BRIP1: variants seen among roughly 807,000 people sequenced by gnomAD.
The protein encoded by BRIP1 is BRCA1 interacting DNA helicase 1, also known as Fanconi anemia group J protein.
BRIP1 carries 88 observed loss-of-function variants against 119.7 expected under a neutral mutation model. That is an observed-to-expected ratio of 0.74 (90% CI 0.62 to 0.88). The LOEUF is 0.88. Ranked by LOEUF, BRIP1 falls within the 40% of genes least tolerant of loss-of-function variation. The pLI, the probability that BRIP1 is intolerant of heterozygous loss-of-function variation, is 0.00. For synonymous variants in BRIP1, 443 were observed against 496.5 expected (o/e 0.89, Z 1.43); for missense variants, 1,259 against 1,455.4 (o/e 0.87, Z 2.20).
chr17:61,681,196 T>C lies in BRIP1; in HGVS notation c.*2100A>G, dbSNP rs1240342926. 5.6e-6 allele frequency: 1 copy of C among 177,472 alleles called. No individual in the cohort carries two copies. The highest frequency in any genetic ancestry group is 1.1e-5 in the Non-Finnish European group (1 of 88,968). 11.0% of individuals were successfully genotyped at this position (177,472 alleles called of 1,614,324 possible). A position where few individuals can be genotyped will look rare whatever the true frequency, so the allele number is the denominator to read the frequency against. ...GGATTATGGGAACTACAATTCAAGA[T>C]GAGATCTGGCTGGGGACATAGCCAA... On this transcript the variant is annotated 3_prime_UTR_variant, in exon 20 of 20. Coordinates refer to ENST00000259008, the MANE Select transcript of BRIP1 (RefSeq NM_032043.3). This position sits in a 1 kb window ranked among gnomAD's most constrained non-coding sequence, Gnocchi z 5.1.
chr17:61,831,957 T>C lies in BRIP1; in HGVS notation c.627+15144A>G, dbSNP rs1319165335. 6.6e-6 allele frequency among the ~76,000 whole-genome samples: 1 copy of C among 152,172 alleles called. No individual in the cohort carries two copies. The highest frequency in any genetic ancestry group is 1.5e-5 in the Non-Finnish European group (1 of 68,024). ...GAAAAAATATAGACATAAATGTATATGTCTATGAGTCTGGGTTTGTGTACA... is the reference window on the plus strand; with the variant it reads ...GAAAAAATATAGACATAAATGTATACGTCTATGAGTCTGGGTTTGTGTACA... On this transcript the variant is annotated intron_variant, in intron 6 of 19. Coordinates refer to ENST00000259008, the MANE Select transcript of BRIP1 (RefSeq NM_032043.3). This position sits in a 1 kb window ranked among gnomAD's most constrained non-coding sequence, Gnocchi z 4.1.
chr17:61,856,956 A>G lies in BRIP1; in HGVS notation c.379+102T>C. On this transcript the variant is annotated intron_variant, in intron 4 of 19. Coordinates refer to ENST00000259008, the MANE Select transcript of BRIP1 (RefSeq NM_032043.3). The surrounding 1 kb of genome is among the most constrained non-coding windows in gnomAD (Gnocchi z 5.1). ...CCAGAGAAACTAGATAGAGATATAT[A>G]ATCAGTTATGCTAACCAAACTTATA... 8.8e-7 allele frequency: 1 copy of G among 1,134,832 alleles called. No homozygotes were observed. Among genetic ancestry groups the G allele is most frequent in the South Asian group, 1.3e-5 (1 of 79,844 alleles). 70.3% of individuals were successfully genotyped at this position (1,134,832 alleles called of 1,614,324 possible).
rs756511744 is a variant in BRIP1, at chr17:61,776,540, G to A, written c.1958C>T (p.Ser653Leu). Reference sequence around the variant, plus strand: ...ACAGAGATTCCGACCCTTGGGGCCTGACCCAATGGTACCAACCCAAACCTA... The same window carrying A: ...ACAGAGATTCCGACCCTTGGGGCCTAACCCAATGGTACCAACCCAAACCTA... ...NSQVWVGTIG[S>L]GPKGRNLCAT... Residue 653 changes from serine (S) to leucine (L), a missense_variant, in exon 14 of 20, where the codon TCA becomes TTA. Transcript: ENST00000259008. The surrounding 1 kb of genome is among the most constrained non-coding windows in gnomAD (Gnocchi z 5.0). 1.2e-6 allele frequency: 2 copies of A among 1,614,108 alleles called. No homozygotes were observed. The highest frequency in any genetic ancestry group is 1.7e-5 in the Admixed American group (1 of 60,026).
At chr17:61,779,084 A>G (rs2077576144) in intron 13 of BRIP1, among the ~76,000 whole-genome samples, 1 of 152,252 alleles carries the variant, frequency 6.6e-6, no homozygotes, top group Admixed American at 6.5e-5. Flanking sequence ...AAAAATTAAA[A>G]TAACATTTAG....
At chr17:61,764,758 G>A (rs193148076) in intron 14 of BRIP1, among the ~76,000 whole-genome samples, 1 of 151,884 alleles carries the variant, frequency 6.6e-6, no homozygotes, top group African/African-American at 2.4e-5. Flanking sequence ...TCCCAAAAGT[G>A]CTTCCTATAT....
intron 18 of BRIP1, among the ~76,000 whole-genome samples, chr17:61,688,678 G>A (rs1006701582): frequency 1.3e-5 from 2 of 149,858 alleles, no homozygotes; most frequent in Admixed American, 1.3e-4. Context: ...TACCATACAA[G>A]GTTACAAGAA....
chr17:61,732,016 C>G (rs2076854561), intron 16 of BRIP1, among the ~76,000 whole-genome samples: 1 of 106,888 alleles, frequency 9.4e-6, no homozygotes, highest in Non-Finnish European at 1.7e-5. Flanking sequence ...GACAGAGTCT[C>G]TGTCACCCAG....
In BRIP1 at chr17:61,794,068, T is replaced by C. The variant is rs1423583260; in HGVS notation, c.1341-339A>G. On this transcript the variant is annotated intron_variant, in intron 9 of 19. Transcript: ENST00000259008. The surrounding 1 kb of genome is among the most constrained non-coding windows in gnomAD (Gnocchi z 4.3). ...TATCCCAAATATATATAAAAGGAAATGCAAAACAACCTAATAAAGAAATTA... is the reference window on the plus strand; with the variant it reads ...TATCCCAAATATATATAAAAGGAAACGCAAAACAACCTAATAAAGAAATTA... 1.3e-5 allele frequency among the ~76,000 whole-genome samples: 2 copies of C among 152,026 alleles called. No homozygotes were observed. Among genetic ancestry groups the C allele is most frequent in the Non-Finnish European group, 1.5e-5 (1 of 67,972 alleles).
chr17:61,686,155 T>C lies in BRIP1; in HGVS notation c.2586A>G (p.Lys862=), dbSNP rs745318756. The change falls in exon 19 of 20, where the codon AAA becomes AAG. Residue 862 remains lysine (K), a synonymous_variant. Transcript: ENST00000259008. The surrounding 1 kb of genome is among the most constrained non-coding windows in gnomAD (Gnocchi z 5.4). The part of the protein sequence containing the change: ...NPSRYISGLS[K]WVRQQIQHHS... ...GGTGCTGAATCTGCTGCCGTACCCA[T>C]TTAGAAAGTCCTAAAGAAAAAGGTA... 3.1e-6 allele frequency: 5 copies of C among 1,614,056 alleles called. No homozygotes were observed. The highest frequency in any genetic ancestry group is 4.2e-6 in the Non-Finnish European group (5 of 1,179,940).
Position 61,739,948 on chromosome 17 carries a change from A to C in BRIP1, c.2379+3065T>G, listed in dbSNP as rs1241832834. Reference sequence around the variant, plus strand: ...ATACAACTGTTTCTGGCCAAGATTGAGTAACTGGTTTAAGAATATTTCTTC... The same window carrying C: ...ATACAACTGTTTCTGGCCAAGATTGCGTAACTGGTTTAAGAATATTTCTTC... On this transcript the variant is annotated intron_variant, in intron 16 of 19. Coordinates refer to ENST00000259008, the MANE Select transcript of BRIP1 (RefSeq NM_032043.3). The surrounding 1 kb of genome is among the most constrained non-coding windows in gnomAD (Gnocchi z 6.0). Among the ~76,000 whole-genome samples the C allele has an allele frequency of 6.6e-6, 1 of 152,206 alleles. No individual in the cohort carries two copies. Among genetic ancestry groups the C allele is most frequent in the Non-Finnish European group, 1.5e-5 (1 of 68,028 alleles).
In BRIP1 at chr17:61,799,646, A is replaced by G. The variant is rs2077959637; in HGVS notation, c.1141-347T>C. 6.6e-6 allele frequency among the ~76,000 whole-genome samples: 1 copy of G among 152,186 alleles called. No individual in the cohort carries two copies. The highest frequency in any genetic ancestry group is 2.4e-5 in the African/African-American group (1 of 41,438). Reference sequence around the variant, plus strand: ...TCCAACATAATTTTACAAACTAATTATAAGACCTTTAAAAATAAAATAACA... The same window carrying G: ...TCCAACATAATTTTACAAACTAATTGTAAGACCTTTAAAAATAAAATAACA... On this transcript the variant is annotated intron_variant, in intron 8 of 19. Transcript: ENST00000259008. The surrounding 1 kb of genome is among the most constrained non-coding windows in gnomAD (Gnocchi z 5.1).
intron 3 of BRIP1, 109 bp downstream of exon 3, chr17:61,859,687 A>G (rs1384710826): frequency 1.3e-6 from 1 of 746,610 alleles, no homozygotes; most frequent in East Asian, 2.7e-5. Flanking sequence ...ATCTTTAAAC[A>G]AATATTTAAG....
rs1212182449 is a variant in BRIP1 at position 61,679,596 on chromosome 17, C to G, written c.*3700G>C. Among the ~76,000 whole-genome samples the G allele has an allele frequency of 6.6e-6, 1 of 152,090 alleles. No homozygotes were observed. The highest frequency in any genetic ancestry group is 2.4e-5 in the African/African-American group (1 of 41,422). On this transcript the variant is annotated 3_prime_UTR_variant, in exon 20 of 20. Transcript: ENST00000259008. The surrounding 1 kb of genome is among the most constrained non-coding windows in gnomAD (Gnocchi z 4.4). ...CTCAAAAGCTTAAAAAATAAGCCAGCCAAATAATTTTTCTTTCCTCAAATC... is the reference window on the plus strand; with the variant it reads ...CTCAAAAGCTTAAAAAATAAGCCAGGCAAATAATTTTTCTTTCCTCAAATC...
At chr17:61,800,640 C>T (rs2077975610) in intron 8 of BRIP1, among the ~76,000 whole-genome samples, 1 of 151,984 alleles carries the variant, frequency 6.6e-6, no homozygotes, top group African/African-American at 2.4e-5. Flanking sequence ...TTGATATGCA[C>T]AGTGTCTCAG....
rs1354746640 is a variant in BRIP1 at position 61,822,357 on chromosome 17, T to C, written c.628-13600A>G. Among the ~76,000 whole-genome samples, 3 of 152,300 alleles carry C rather than the reference T, an allele frequency of 2.0e-5. No individual in the cohort carries two copies. The East Asian group carries it at 5.8e-4, about 29-fold the overall frequency. On this transcript the variant is annotated intron_variant, in intron 6 of 19. Coordinates refer to ENST00000259008, the MANE Select transcript of BRIP1 (RefSeq NM_032043.3). This position sits in a 1 kb window ranked among gnomAD's most constrained non-coding sequence, Gnocchi z 4.4. Reference sequence around the variant, plus strand: ...AAAACAATATACAGGGTAGAGATACTACCAAAAGGAGAAGTAACTAGTTTT... The same window carrying C: ...AAAACAATATACAGGGTAGAGATACCACCAAAAGGAGAAGTAACTAGTTTT...
chr17:61,706,907 A>C lies in BRIP1; in HGVS notation c.2492+9044T>G, dbSNP rs2061697533. Among the ~76,000 whole-genome samples the C allele has an allele frequency of 6.6e-6, 1 of 152,192 alleles. No individual in the cohort carries two copies. The highest frequency in any genetic ancestry group is 1.5e-5 in the Non-Finnish European group (1 of 68,034). Reference sequence around the variant, plus strand: ...TCAAACCTTCTATCCTCTGAACTCAATTTAGACTACTTGCTGCACTGTTAT... The same window carrying C: ...TCAAACCTTCTATCCTCTGAACTCACTTTAGACTACTTGCTGCACTGTTAT... On this transcript the variant is annotated intron_variant, in intron 17 of 19. Transcript: ENST00000259008. The surrounding 1 kb of genome is among the most constrained non-coding windows in gnomAD (Gnocchi z 5.7).
rs552712987 is a variant in BRIP1 at position 61,706,743 on chromosome 17, T to A, written c.2492+9208A>T. On this transcript the variant is annotated intron_variant, in intron 17 of 19. Transcript: ENST00000259008. This position sits in a 1 kb window ranked among gnomAD's most constrained non-coding sequence, Gnocchi z 5.7. ...AGTCACATAGTGCACTATAATTAGATTTCCTTTATTGTACAAGACTTTTTG... is the reference window on the plus strand; with the variant it reads ...AGTCACATAGTGCACTATAATTAGAATTCCTTTATTGTACAAGACTTTTTG... 6.6e-6 allele frequency among the ~76,000 whole-genome samples: 1 copy of A among 152,340 alleles called. No individual in the cohort carries two copies. The highest frequency in any genetic ancestry group is 2.1e-4 in the South Asian group (1 of 4,832).
chr17:61,797,524 G>A (rs1174569371), intron 9 of BRIP1, among the ~76,000 whole-genome samples: 1 of 152,004 alleles, frequency 6.6e-6, no homozygotes, highest in Non-Finnish European at 1.5e-5. Flanking sequence ...TAAGATCGAT[G>A]AGGGAAGAAT....
chr17:61,812,665 C>G (rs1282756089), intron 6 of BRIP1, among the ~76,000 whole-genome samples: 1 of 151,320 alleles, frequency 6.6e-6, no homozygotes, highest in Non-Finnish European at 1.5e-5. Flanking sequence ...TGTGCAGTAG[C>G]CAATTGTTTA....
Sources: allele counts gnomAD v4.1 joint callset (sites outside exome capture counted in the v4.1 genomes callset), GRCh38; gene constraint gnomAD v4.1.1; non-coding constraint Gnocchi (gnomAD v3.1); transcripts MANE v1.5; gene names NCBI Gene and HGNC (gene_info 2026-07-23, HGNC 2026-07-21).